BRWD3: variants seen among roughly 807,000 people sequenced by gnomAD.
BRWD3 encodes bromodomain and WD repeat-containing protein 3.
In BRWD3, 10 loss-of-function variants were observed where a neutral mutation model predicts 149.7. The observed-to-expected ratio is 0.07, with a 90% CI of 0.04 to 0.11. The LOEUF (loss-of-function observed/expected upper bound fraction) is 0.11, where lower values mean the gene tolerates loss of function less well. Ranked by LOEUF, BRWD3 falls within the 10% of genes least tolerant of loss-of-function variation. The pLI is 1.00. For synonymous variants in BRWD3, 504 were observed against 456.7 expected, an observed-to-expected ratio of 1.10 and a Z score of -1.32; for missense variants, 940 against 1,373.2, an observed-to-expected ratio of 0.68 and a Z score of 4.99.
chrX:80,758,045 C>T (rs1478389568), intron 6 of BRWD3, among the ~76,000 whole-genome samples: 2 of 110,943 alleles, frequency 1.8e-5, no homozygotes, highest in African/African-American at 6.6e-5. Flanking sequence ...ACTAAAAATA[C>T]AAAGTTAGCC....
chrX:80,804,043 CA>C (rs762892571), intron 4 of BRWD3, among the ~76,000 whole-genome samples: 1 of 111,851 alleles, frequency 8.9e-6, no homozygotes, highest in South Asian at 3.7e-4. Context: ...TTTTTAAGGA[CA>C]ATAACAAACA....
chrX:80,768,451 C>T (rs1226331951), intron 6 of BRWD3, among the ~76,000 whole-genome samples: 8 of 111,629 alleles, frequency 7.2e-5, no homozygotes, highest in Non-Finnish European at 1.5e-4. Flanking sequence ...AAAGAATTTT[C>T]AACCCAGAAT....
chrX:80,687,593 A>G (rs1260036206), intron 34 of BRWD3, among the ~76,000 whole-genome samples: 1 of 111,351 alleles, frequency 9.0e-6, no homozygotes, highest in African/African-American at 3.3e-5. Context: ...GCATTTGGGA[A>G]CTTGGCATTT....
At chrX:80,777,947 A>G (rs2074016051) in intron 6 of BRWD3, among the ~76,000 whole-genome samples, 1 of 111,287 alleles carries the variant, frequency 9.0e-6, no homozygotes, top group Non-Finnish European at 1.9e-5. Flanking sequence ...CATCACACAC[A>G]GCCTAAGTTT....
At chrX:80,743,401 C>T (rs2073546434) in intron 8 of BRWD3, among the ~76,000 whole-genome samples, 1 of 111,639 alleles carries the variant, frequency 9.0e-6, no homozygotes, top group Admixed American at 9.5e-5. Context: ...CAGGATGATG[C>T]TGGCCTCATA....
In BRWD3 at chrX:80,731,894, CAAAAAAA is replaced by C. The variant is rs760738184; in HGVS notation, c.1127+1555_1127+1561del. 5.7e-4 allele frequency among the ~76,000 whole-genome samples: 13 copies of C among 22,918 alleles called. No individual in the cohort carries two copies. The East Asian group carries it at 0.018, about 32-fold the overall frequency. The allele number at this position is 22,918 out of a possible 115,157, so 19.9% of individuals were successfully genotyped here. On this transcript the variant is annotated intron_variant, in intron 12 of 40. Transcript: ENST00000373275. ...TGGGTGACAGAGCGAGACTCTGTCT[CAAAAAAA>C]AAAAAAAAAAAAAAAAAAGTCCTTA... is the stretch of plus-strand genomic sequence containing the variant.
In BRWD3 at chrX:80,676,938, G is replaced by A. The variant is rs2072372599; in HGVS notation, c.5080C>T (p.Arg1694Ter). 8.3e-7 allele frequency: 1 copy of A among 1,198,302 alleles called. No homozygotes were observed. Among genetic ancestry groups the A allele is most frequent in the Non-Finnish European group, 1.1e-6 (1 of 885,704 alleles). The stretch of plus-strand genomic sequence containing the variant: ...CCTCCACCTCTTCCTCGACTCCCTC[G>A]TCCCCTGCCTCCTCTTCCTCTGCCT... The part of the protein sequence containing the change: ...RGGRGRGGRG[R>*]GSRGRGGGGT... Residue 1694 changes from arginine to a stop codon, truncating the protein, a stop_gained, in exon 41 of 41, where the codon CGA becomes TGA. Transcript: ENST00000373275. LOFTEE classifies it high-confidence loss of function.
At chrX:80,799,961 C>T (rs974006898) in intron 4 of BRWD3, among the ~76,000 whole-genome samples, 8 of 111,123 alleles carry the variant, frequency 7.2e-5, no homozygotes, top group Non-Finnish European at 1.5e-4. Context: ...TAAATTGCTG[C>T]CCTAAGGGAA....
At chrX:80,726,625 A>C (rs2073253155) in intron 14 of BRWD3, among the ~76,000 whole-genome samples, 1 of 110,594 alleles carries the variant, frequency 9.0e-6, no homozygotes, top group Non-Finnish European at 1.9e-5. Flanking sequence ...ATATCCTGCA[A>C]ATCTCAAAAG....
intron 36 of BRWD3, among the ~76,000 whole-genome samples, chrX:80,685,128 T>C (rs1215125450): frequency 9.0e-6 from 1 of 111,579 alleles, no homozygotes; most frequent in East Asian, 2.8e-4. Flanking sequence ...TTTAAAAGAC[T>C]CAGACTGCTT....
intron 8 of BRWD3, among the ~76,000 whole-genome samples, chrX:80,740,437 A>G (rs1227538016): frequency 1.8e-5 from 2 of 112,363 alleles, no homozygotes; most frequent in Non-Finnish European, 3.8e-5. Context: ...AAGCCAACGT[A>G]TTCCACATTA....
intron 27 of BRWD3, among the ~76,000 whole-genome samples, chrX:80,693,651 C>T (rs780436741): frequency 3.6e-5 from 4 of 111,847 alleles, no homozygotes; most frequent in African/African-American, 6.5e-5. Context: ...GCATTTTGCC[C>T]ATGCCCTAAG....
chrX:80,678,465 A>AT (rs764816310), intron 40 of BRWD3, among the ~76,000 whole-genome samples: 2 of 111,427 alleles, frequency 1.8e-5, no homozygotes, highest in Non-Finnish European at 1.9e-5. Context: ...AAGACAAGAC[A>AT]TTTTTTTAAA....
intron 12 of BRWD3, among the ~76,000 whole-genome samples, chrX:80,732,470 T>C (rs1024401331): frequency 5.4e-5 from 6 of 110,337 alleles, no homozygotes; most frequent in Admixed American, 2.9e-4. Context: ...AGCTGGAACA[T>C]TCAGGAAAGG....
Position 80,773,882 on chromosome X carries a change from A to G in BRWD3, c.430+17972T>C, listed in dbSNP as rs6616701. Reference sequence around the variant, plus strand: ...CACTTAGTTTAAGTCCTGTACTACAATCACATTCTGGCATCTGCCTAACCT... The same window carrying G: ...CACTTAGTTTAAGTCCTGTACTACAGTCACATTCTGGCATCTGCCTAACCT... On this transcript the variant is annotated intron_variant, in intron 6 of 40. Transcript: ENST00000373275. Among the ~76,000 whole-genome samples the G allele has an allele frequency of 8.9e-3, 995 of 112,385 alleles. 19 individuals carry two copies. In the East Asian group the frequency reaches 0.14, roughly 15 times the overall value.
chrX:80,682,391 A>G, intron 38 of BRWD3, 74 bp downstream of exon 38: 1 of 1,116,194 alleles, frequency 9.0e-7, no homozygotes, highest in Non-Finnish European at 1.2e-6. Flanking sequence ...CAAATTATTC[A>G]TAAACTTTCA....
intron 12 of BRWD3, among the ~76,000 whole-genome samples, chrX:80,730,389 A>AAAGAAAG (rs2073308152): frequency 3.9e-5 from 3 of 77,661 alleles, no homozygotes; most frequent in Admixed American, 3.2e-4. Flanking sequence ...ATTATTTAGC[A>AAAGAAAG]AAAGAAAGAA....
rs149638650 is a variant in BRWD3, at chrX:80,804,640, T to C, written c.180+3899A>G. ...TCACCATTTCAATATATAAAACTTA[T>C]AGATTAACAAGAACTGTTCATTTAA... On this transcript the variant is annotated intron_variant, in intron 4 of 40. Transcript: ENST00000373275. Among the ~76,000 whole-genome samples the C allele has an allele frequency of 7.3e-3, 815 of 112,198 alleles. 8 individuals carry two copies. The highest frequency in any genetic ancestry group is 0.025 in the African/African-American group (767 of 30,913).
In BRWD3 at chrX:80,771,914, T is replaced by G. The variant is rs1429574904; in HGVS notation, c.430+19940A>C. Among the ~76,000 whole-genome samples the G allele has an allele frequency of 1.8e-4, 20 of 111,399 alleles. 1 individual carries two copies. Among genetic ancestry groups the G allele is most frequent in the African/African-American group, 6.2e-4 (19 of 30,601 alleles). On this transcript the variant is annotated intron_variant, in intron 6 of 40. Coordinates refer to ENST00000373275, the MANE Select transcript of BRWD3 (RefSeq NM_153252.5). Reference sequence around the variant, plus strand: ...AGAGAAATGCAAATCAAAACCACAGTGAGATACCATCTCACACCAGTTAGA... The same window carrying G: ...AGAGAAATGCAAATCAAAACCACAGGGAGATACCATCTCACACCAGTTAGA...
Sources: allele counts gnomAD v4.1 joint callset (sites outside exome capture counted in the v4.1 genomes callset), GRCh38; gene constraint gnomAD v4.1.1; transcripts MANE v1.5; gene names NCBI Gene and HGNC (gene_info 2026-07-23, HGNC 2026-07-21).